The following ANKS1B variants were observed in gnomAD, a reference collection of about 807,000 sequenced individuals.
ANKS1B encodes the protein ankyrin repeat and sterile alpha motif domain containing 1B, also known as ankyrin repeat and sterile alpha motif domain-containing protein 1B.
A neutral mutation model predicts 148.3 loss-of-function variants in ANKS1B; 36 were observed. That is an observed-to-expected ratio of 0.24 (90% CI 0.19 to 0.32). The LOEUF is 0.32. Ranked by LOEUF, ANKS1B falls within the 10% of genes least tolerant of loss-of-function variation. The pLI is 1.00. For missense variants in ANKS1B, 1,157 were observed against 1,542.6 expected (o/e 0.75, Z 4.19); for synonymous variants, 542 against 560.8 (o/e 0.97, Z 0.47).
intron 17 of ANKS1B, among the ~76,000 whole-genome samples, chr12:98,945,505 C>CA (rs3051086): frequency 9.6e-3 from 290 of 30,292 alleles, no homozygotes; most frequent in Non-Finnish European, 0.011. Flanking sequence ...AACAAACAAA[C>CA]AAAAAAAAAA....
intron 14 of ANKS1B, among the ~76,000 whole-genome samples, chr12:99,233,856 G>C (rs925509968): frequency 6.6e-6 from 1 of 152,020 alleles, no homozygotes; most frequent in Non-Finnish European, 1.5e-5. Context: ...CATATTTATA[G>C]GAATAAAGAT....
chr12:98,962,093 A>G (rs2153145678), intron 17 of ANKS1B, among the ~76,000 whole-genome samples: 1 of 152,070 alleles, frequency 6.6e-6, no homozygotes, highest in Non-Finnish European at 1.5e-5. Context: ...ATAACATTGA[A>G]TGTAAATGAA....
rs1415033758 is a variant in ANKS1B, at chr12:98,745,287, G to C, written c.*452C>G. The C allele has an allele frequency of 2.0e-6, 2 of 985,766 alleles. No homozygotes were observed. Among genetic ancestry groups the C allele is most frequent in the South Asian group, 4.7e-5 (1 of 21,268 alleles). 61.1% of individuals were successfully genotyped at this position (985,766 alleles called of 1,614,324 possible). A position where few individuals can be genotyped will look rare whatever the true frequency, so the allele number is the denominator to read the frequency against. ...AGAATGATTTTACAGATGCTTTGGA[G>C]GTGGGAGGGGTAGTGCTGCTCTGAT... is the stretch of plus-strand genomic sequence containing the variant. On this transcript the variant is annotated 3_prime_UTR_variant, in exon 27 of 27. Transcript: ENST00000683438.
At chr12:99,696,619 C>A (rs1484358753) in intron 8 of ANKS1B, among the ~76,000 whole-genome samples, 1 of 151,966 alleles carries the variant, frequency 6.6e-6, no homozygotes, top group East Asian at 1.9e-4. Context: ...AGCTATAAAA[C>A]TTCTAGAAGA....
At chr12:98,867,661 C>T (rs994027149) in intron 17 of ANKS1B, among the ~76,000 whole-genome samples, 3 of 151,398 alleles carry the variant, frequency 2.0e-5, no homozygotes, top group African/African-American at 7.3e-5. Context: ...GAGATCAAGA[C>T]CATCCTGGCT....
chr12:99,484,762 G>GTTTTT (rs1480334733), intron 10 of ANKS1B, among the ~76,000 whole-genome samples: 2 of 112,248 alleles, frequency 1.8e-5, no homozygotes, highest in African/African-American at 8.6e-5. Flanking sequence ...GTGTGTGTGT[G>GTTTTT]TGTTTTTTTT....
intron 17 of ANKS1B, among the ~76,000 whole-genome samples, chr12:98,926,785 T>C (rs911144293): frequency 6.6e-6 from 1 of 151,388 alleles, no homozygotes; most frequent in African/African-American, 2.4e-5. Context: ...GAAGAAAGAA[T>C]AAGCAAACTT....
At chr12:99,711,255 C>CT (rs1005630790) in intron 8 of ANKS1B, among the ~76,000 whole-genome samples, 21 of 151,842 alleles carry the variant, frequency 1.4e-4, no homozygotes, top group Non-Finnish European at 2.7e-4. Flanking sequence ...TTACTTTTAT[C>CT]TTTTTTTTAG....
chr12:98,907,456 C>T (rs2099780881), intron 17 of ANKS1B, among the ~76,000 whole-genome samples: 1 of 152,136 alleles, frequency 6.6e-6, no homozygotes, highest in Admixed American at 6.5e-5. Context: ...AGGGCCCTGC[C>T]CACTCCACCC....
At chr12:98,742,141 A>AGTC (rs1353783261), downstream of ANKS1B, among the ~76,000 whole-genome samples, 3 of 152,242 alleles carry the variant, frequency 2.0e-5, no homozygotes, top group African/African-American at 7.2e-5. Flanking sequence ...GTACTCGTGA[A>AGTC]GTCTGTCATC....
intron 8 of ANKS1B, among the ~76,000 whole-genome samples, chr12:99,661,275 T>C (rs1414429302): frequency 5.9e-5 from 9 of 152,306 alleles, no homozygotes; most frequent in African/African-American, 2.2e-4. Flanking sequence ...GAGGAAGGTC[T>C]TCAGGACTCA....
At chr12:99,208,557 T>C (rs901377556) in intron 14 of ANKS1B, among the ~76,000 whole-genome samples, 3 of 152,162 alleles carry the variant, frequency 2.0e-5, no homozygotes, top group Non-Finnish European at 4.4e-5. Context: ...ATATCAGTCC[T>C]AATTCTGGTT....
chr12:99,775,167 TA>T (rs2063541368), intron 7 of ANKS1B, among the ~76,000 whole-genome samples: 1 of 152,034 alleles, frequency 6.6e-6, no homozygotes, highest in South Asian at 2.1e-4. Context: ...AAATAAAAAA[TA>T]AAAAATACTA....
chr12:98,771,334 ATTTTTTT>A (rs778548768), intron 25 of ANKS1B, among the ~76,000 whole-genome samples: 2 of 141,278 alleles, frequency 1.4e-5, no homozygotes, highest in Non-Finnish European at 3.1e-5. Flanking sequence ...TGTCTGGCTA[ATTTTTTT>A]TTTTTTTTTT....
chr12:99,887,473 T>C (rs944210099), intron 1 of ANKS1B, among the ~76,000 whole-genome samples: 1 of 152,228 alleles, frequency 6.6e-6, no homozygotes, highest in Admixed American at 6.5e-5. Context: ...AAATTATATA[T>C]GTAGCTTGTA....
At chr12:99,162,578 T>C (rs2076772912) in intron 14 of ANKS1B, among the ~76,000 whole-genome samples, 2 of 152,152 alleles carry the variant, frequency 1.3e-5, no homozygotes, top group Admixed American at 1.3e-4. Flanking sequence ...CCTGCAAGGT[T>C]ATTCATGTTA....
chr12:99,289,542 T>A (rs1327272923), intron 12 of ANKS1B, among the ~76,000 whole-genome samples: 1 of 151,974 alleles, frequency 6.6e-6, no homozygotes, highest in Non-Finnish European at 1.5e-5. Flanking sequence ...CTTAAAGAAT[T>A]AAAAAATATT....
chr12:98,838,612 T>C (rs184855752), intron 17 of ANKS1B, among the ~76,000 whole-genome samples: 1 of 152,258 alleles, frequency 6.6e-6, no homozygotes, highest in Admixed American at 6.5e-5. Context: ...TATTTCTAGA[T>C]TGTTATTGAG....
At chr12:99,568,500 G>C (rs1480675806) in intron 9 of ANKS1B, among the ~76,000 whole-genome samples, 1 of 152,084 alleles carries the variant, frequency 6.6e-6, no homozygotes, top group Non-Finnish European at 1.5e-5. Flanking sequence ...GTCTCATTTT[G>C]GTTATCACAA....
Sources: gnomAD v4.1 joint callset for allele counts (sites outside exome capture counted in the v4.1 genomes callset) on GRCh38, gnomAD v4.1.1 for gene constraint, MANE v1.5 for transcripts, NCBI Gene and HGNC (gene_info 2026-07-23, HGNC 2026-07-21) for gene names.